The following HTRA1 variants were observed in gnomAD, a reference collection of about 807,000 sequenced individuals.
The protein encoded by HTRA1 is HtrA serine peptidase 1, also known as serine protease HTRA1.
Under a neutral mutation model 49.7 loss-of-function variants are expected in HTRA1, and 26 were observed. The observed-to-expected ratio is 0.52, with a 90% confidence interval of 0.38 to 0.73. HTRA1 has a LOEUF of 0.73. HTRA1 is among the 30% of genes least tolerant of loss of function. The probability of loss-of-function intolerance (pLI) is 0.00; values close to 1 mark genes in which losing one functional copy is unlikely to be tolerated. For synonymous variants in HTRA1, 291 were observed against 286.9 expected, an observed-to-expected ratio of 1.01 and a Z score of -0.14; for missense variants, 561 against 667.2, an observed-to-expected ratio of 0.84 and a Z score of 1.75.
At chr10:122,509,553 G>A (rs1336701515) in intron 6 of HTRA1, among the ~76,000 whole-genome samples, 1 of 152,236 alleles carries the variant, frequency 6.6e-6, no homozygotes, top group Non-Finnish European at 1.5e-5. Context: ...GTGGAAAGAG[G>A]CCAAGGCCGG....
At chr10:122,514,079 T>A (rs931827198) in intron 8 of HTRA1, 112 bp from the exon 9 acceptor site, 1 of 1,072,994 alleles carries the variant, frequency 9.3e-7, no homozygotes, top group African/African-American at 1.6e-5. Context: ...CACCGTCCAA[T>A]CCTGTTTGCT....
rs138336948 is a variant in HTRA1, at chr10:122,467,270, C to A, written c.472+5146C>A. ...GGGTGAGGGTTCCTTGGAAGGCCAA[C>A]TGGGGCGGAGGGGCTGAGGGCAAGC... On this transcript the variant is annotated intron_variant, in intron 1 of 8. Transcript: ENST00000368984. Among the ~76,000 whole-genome samples the A allele has an allele frequency of 2.3e-4, 35 of 152,256 alleles. No homozygotes were observed. In the East Asian group the frequency reaches 6.6e-3, roughly 29 times the overall value.
intron 1 of HTRA1, among the ~76,000 whole-genome samples, chr10:122,466,615 T>C (rs1405464906): frequency 1.3e-5 from 2 of 152,176 alleles, no homozygotes; most frequent in African/African-American, 4.8e-5. Flanking sequence ...TTCAATACAA[T>C]GGGGGAAAAT....
intron 1 of HTRA1, among the ~76,000 whole-genome samples, chr10:122,475,485 C>T (rs996518106): frequency 2.0e-5 from 3 of 152,226 alleles, no homozygotes; most frequent in African/African-American, 7.2e-5. Flanking sequence ...AAAGACAGAG[C>T]GTGGTCATTC....
At chr10:122,488,135 A>G (rs1342497802) in intron 1 of HTRA1, among the ~76,000 whole-genome samples, 1 of 152,054 alleles carries the variant, frequency 6.6e-6, no homozygotes, top group East Asian at 1.9e-4. Flanking sequence ...ATAATCTCAG[A>G]TGTACCCGTC....
At chr10:122,478,431 T>C (rs4237541) in intron 1 of HTRA1, among the ~76,000 whole-genome samples, 75,195 of 144,744 alleles carry the variant, frequency 0.52, 20,984 homozygotes, top group African/African-American at 0.73. Flanking sequence ...CTCACTCTGT[T>C]GCCCAGGCTG....
rs75629540 is a variant in HTRA1 at position 122,510,201 on chromosome 10, A to G, written c.1178+48A>G. 115 of 1,538,716 alleles carry G rather than the reference A, an allele frequency of 7.5e-5. No individual in the cohort carries two copies. The African/African-American group carries it at 1.4e-3, about 19-fold the overall frequency. Reference sequence around the variant, plus strand: ...TGTGTCTTAAATTTTAATAAACCTGAACTTCAGAAGGTGCTCACGGGCACC... The same window carrying G: ...TGTGTCTTAAATTTTAATAAACCTGGACTTCAGAAGGTGCTCACGGGCACC... On this transcript the variant is annotated intron_variant, in intron 7 of 8. Transcript: ENST00000368984.
chr10:122,511,946 A>G, intron 7 of HTRA1, 24 bp from the exon 8 acceptor site: 1 of 1,591,324 alleles, frequency 6.3e-7, no homozygotes, highest in Non-Finnish European at 8.6e-7. Flanking sequence ...TCACACTAAC[A>G]CGGGTGCTTT....
intron 1 of HTRA1, among the ~76,000 whole-genome samples, chr10:122,463,917 G>A (rs2097482683): frequency 6.6e-6 from 1 of 152,208 alleles, no homozygotes; most frequent in Non-Finnish European, 1.5e-5. Context: ...GCTGGGGAAC[G>A]TTTTGGGAGG....
At chr10:122,480,350 C>T (rs955636034) in intron 1 of HTRA1, among the ~76,000 whole-genome samples, 13 of 152,132 alleles carry the variant, frequency 8.5e-5, no homozygotes, top group Non-Finnish European at 1.5e-4. Flanking sequence ...CGGGCGAGGG[C>T]AGGAAGCTCT....
At chr10:122,511,914 G>A (rs548423664) in intron 7 of HTRA1, 56 bp from the exon 8 acceptor site, 80 of 1,306,182 alleles carry the variant, frequency 6.1e-5, no homozygotes, top group African/African-American at 5.8e-5. Context: ...TGAGTTTTGC[G>A]TGAGGAAGGC....
At chr10:122,501,961 GTTTTTTTTTTTTTTTTTTT>G (rs541582341) in intron 3 of HTRA1, among the ~76,000 whole-genome samples, 5 of 73,494 alleles carry the variant, frequency 6.8e-5, no homozygotes, top group Non-Finnish European at 1.2e-4. Context: ...TCCATTTGGA[GTTTTTTTTTTTTTTTTTTT>G]TTTTTTTTTT....
At chr10:122,496,995 C>T (rs2097498989) in intron 3 of HTRA1, among the ~76,000 whole-genome samples, 1 of 152,182 alleles carries the variant, frequency 6.6e-6, no homozygotes, top group South Asian at 2.1e-4. Context: ...CAAAGATTCA[C>T]AATGATACGA....
rs984938624 is a variant in HTRA1 at position 122,490,172 on chromosome 10, A to G, written c.777+546A>G. 6.6e-6 allele frequency among the ~76,000 whole-genome samples: 1 copy of G among 152,224 alleles called. No individual in the cohort carries two copies. The highest frequency in any genetic ancestry group is 1.5e-5 in the Non-Finnish European group (1 of 68,042). ...GGAAAACTTGAATTAAAACAGAGCT[A>G]ATGGATTTCTTCTTTCCAGACCTTC... is the stretch of plus-strand genomic sequence containing the variant. On this transcript the variant is annotated intron_variant, in intron 3 of 8. Coordinates refer to ENST00000368984, the MANE Select transcript of HTRA1 (RefSeq NM_002775.5). The surrounding 1 kb of genome is among the most constrained non-coding windows in gnomAD (Gnocchi z 4.2).
chr10:122,469,064 C>T (rs2097485011), intron 1 of HTRA1, among the ~76,000 whole-genome samples: 1 of 152,160 alleles, frequency 6.6e-6, no homozygotes, highest in African/African-American at 2.4e-5. Context: ...ACAAAAGTCT[C>T]CGAGGGCATA....
Position 122,514,463 on chromosome 10 carries a change from C to A in HTRA1, c.*104C>A, listed in dbSNP as rs1177282123. 6.0e-6 allele frequency: 7 copies of A among 1,170,120 alleles called. No homozygotes were observed. The highest frequency in any genetic ancestry group is 3.0e-5 in the African/African-American group (2 of 66,450). The allele number at this position is 1,170,120 out of a possible 1,614,324, so 72.5% of individuals were successfully genotyped here. A position where few individuals can be genotyped will look rare whatever the true frequency, so the allele number is the denominator to read the frequency against. On this transcript the variant is annotated 3_prime_UTR_variant, in exon 9 of 9. Coordinates refer to ENST00000368984, the MANE Select transcript of HTRA1 (RefSeq NM_002775.5). ...ATAGGACACTCAAGACTTTTGACTG[C>A]CATTTTGTTTGTTCAGTGGAGACTC...
In HTRA1 at chr10:122,508,640, C is replaced by G. The variant is rs1565435333; in HGVS notation, c.1006-16C>G. 1 of 1,520,862 alleles carries G rather than the reference C, an allele frequency of 6.6e-7. No individual in the cohort carries two copies. The highest frequency in any genetic ancestry group is 1.1e-5 in the South Asian group (1 of 89,168). 94.2% of individuals were successfully genotyped at this position (1,520,862 alleles called of 1,614,324 possible). On this transcript the variant is annotated splice_polypyrimidine_tract_variant and intron_variant, in intron 5 of 8. Coordinates refer to ENST00000368984, the MANE Select transcript of HTRA1 (RefSeq NM_002775.5). ...AGCTTCACGATTCAGTAAGCCGTGT[C>G]CTTCTTGCTTTTCAGGACGGTGAAG... is the stretch of plus-strand genomic sequence containing the variant.
chr10:122,488,918 C>T lies in HTRA1; in HGVS notation c.489C>T (p.Asn163=). ...TGTTCTCAGGGCAGGAAGATCCCAA[C>T]AGTTTGCGCCATAAATATAACTTTA... ...GACGQGQEDP[N]SLRHKYNFIA... Residue 163 remains asparagine, a synonymous_variant, in exon 2 of 9, where the codon AAC becomes AAT. Coordinates refer to ENST00000368984, the MANE Select transcript of HTRA1 (RefSeq NM_002775.5). 6.2e-7 allele frequency: 1 copy of T among 1,614,058 alleles called. No individual in the cohort carries two copies. Among genetic ancestry groups the T allele is most frequent in the Non-Finnish European group, 8.5e-7 (1 of 1,179,866 alleles).
Position 122,506,597 on chromosome 10 carries a change from G to T in HTRA1, c.778-94G>T. The stretch of plus-strand genomic sequence containing the variant: ...CGGGCCTGGTGTTTCCAAATAGCCC[G>T]TCACTGTCCCTGCTTGGTTTTCCAT... On this transcript the variant is annotated intron_variant, in intron 3 of 8. Transcript: ENST00000368984. This position sits in a 1 kb window ranked among gnomAD's most constrained non-coding sequence, Gnocchi z 5.2. 1 of 1,111,952 alleles carries T rather than the reference G, an allele frequency of 9.0e-7. No homozygotes were observed. The allele number at this position is 1,111,952 out of a possible 1,614,324, so 68.9% of individuals were successfully genotyped here.
Sources: allele counts gnomAD v4.1 joint callset (sites outside exome capture counted in the v4.1 genomes callset), GRCh38; gene constraint gnomAD v4.1.1; non-coding constraint Gnocchi (gnomAD v3.1); transcripts MANE v1.5; gene names NCBI Gene and HGNC (gene_info 2026-07-23, HGNC 2026-07-21).